Variants in SART3 observed in about 807,000 individuals in gnomAD.
SART3 encodes the protein spliceosome associated factor 3, U4/U6 recycling protein, also known as HIV-1 Tat-interacting protein of 110kDa.
Under a neutral mutation model 122.3 loss-of-function variants are expected in SART3, and 44 were observed. The observed-to-expected ratio is 0.36, with a 90% CI of 0.28 to 0.46. The LOEUF is 0.46. Among genes scored for constraint, SART3 ranks in the 20% least tolerant of loss-of-function variants. SART3 has a pLI of 1.00. For missense variants in SART3, 1,101 were observed against 1,229.0 expected, an observed-to-expected ratio of 0.90 and a Z score of 1.56; for synonymous variants, 442 against 454.0, an observed-to-expected ratio of 0.97 and a Z score of 0.34.
chr12:108,548,745 G>A (rs1226230910), intron 2 of SART3, among the ~76,000 whole-genome samples: 4 of 152,164 alleles, frequency 2.6e-5, no homozygotes, highest in Non-Finnish European at 5.9e-5. Flanking sequence ...GTCTGTAAAA[G>A]TTTAAATATA....
rs550224014 is a variant in SART3 at position 108,546,607 on chromosome 12, G to A, written c.544+1280C>T. Among the ~76,000 whole-genome samples, 17 of 148,726 alleles carry A rather than the reference G, an allele frequency of 1.1e-4. No homozygotes were observed. The East Asian group carries it at 2.0e-3, about 17-fold the overall frequency. On this transcript the variant is annotated intron_variant, in intron 3 of 18. Transcript: ENST00000546815. ...ACAATCTCGGCCCACTGCAACCTCCGCCTCCTGGGTTCAAGCAATTTTCAT... is the reference window on the plus strand; with the variant it reads ...ACAATCTCGGCCCACTGCAACCTCCACCTCCTGGGTTCAAGCAATTTTCAT...
intron 1 of SART3, among the ~76,000 whole-genome samples, chr12:108,555,862 C>T (rs552537389): frequency 2.3e-4 from 35 of 152,156 alleles, no homozygotes; most frequent in African/African-American, 7.7e-4. Flanking sequence ...AGCCAAAACA[C>T]CCTGCAAGGA....
chr12:108,537,252 G>A, intron 9 of SART3: 1 of 515,246 alleles, frequency 1.9e-6, no homozygotes, highest in Non-Finnish European at 3.5e-6. Flanking sequence ...GGAGAAATGA[G>A]AGCTAAGACT....
At chr12:108,545,897 G>C (rs950463226) in intron 3 of SART3, among the ~76,000 whole-genome samples, 18 of 148,102 alleles carry the variant, frequency 1.2e-4, no homozygotes, top group Non-Finnish European at 1.9e-4. Flanking sequence ...ACCTGGGTAG[G>C]GGGGAGGTTG....
At position 108,548,702 on chromosome 12, in the gene SART3, C is replaced by A. The variant is rs1355003982; in HGVS notation, c.439+386G>T. Among the ~76,000 whole-genome samples, 3 of 152,098 alleles carry A rather than the reference C, an allele frequency of 2.0e-5. No homozygotes were observed. In the South Asian group the frequency reaches 6.2e-4, roughly 31 times the overall value. ...ACCTAAATGCCCAACTATTCTGGAA[C>A]AATTAATGTATGAAACATTTACATA... On this transcript the variant is annotated intron_variant, in intron 2 of 18. Transcript: ENST00000546815.
At chr12:108,546,385 G>A (rs1873418804) in intron 3 of SART3, among the ~76,000 whole-genome samples, 1 of 152,032 alleles carries the variant, frequency 6.6e-6, no homozygotes, top group African/African-American at 2.4e-5. Context: ...ATTTTTAGTA[G>A]AGATGGGGTT....
At chr12:108,537,412 G>A in intron 9 of SART3, 76 bp downstream of exon 9, 1 of 1,075,828 alleles carries the variant, frequency 9.3e-7, no homozygotes, top group East Asian at 2.4e-5. Context: ...AATGTATCTG[G>A]GGAACTGGGA....
rs141981743 is a variant in SART3, at chr12:108,547,995, C to T, written c.440-4G>A. 1.4e-3 allele frequency: 2,319 copies of T among 1,612,072 alleles called. 4 individuals carry two copies. The highest frequency in any genetic ancestry group is 1.8e-3 in the Non-Finnish European group (2,123 of 1,179,752). On this transcript the variant is annotated splice_polypyrimidine_tract_variant and splice_region_variant and intron_variant, in intron 2 of 18. Transcript: ENST00000546815. ...TGCAGCCACTCCAGCCAGAGCTCTA[C>T]GAGACAAAAATACTTCCCGCATTAA...
chr12:108,559,039 G>GAAA (rs747479698), intron 1 of SART3, among the ~76,000 whole-genome samples: 40,607 of 103,690 alleles, frequency 0.39, 8,690 homozygotes, highest in Middle Eastern at 0.48. Context: ...TCTCAAAAAA[G>GAAA]AAAAAAAAAA....
Position 108,525,542 on chromosome 12 carries a change from G to T in SART3, c.2438C>A (p.Thr813Asn). Residue 813 changes from threonine (T) to asparagine (N), a missense_variant, in exon 17 of 19, where the codon ACT becomes AAT. Coordinates refer to ENST00000546815, the MANE Select transcript of SART3 (RefSeq NM_014706.4). ...LFISGLPFSCTKEELEEICKA... is the reference protein window; with the variant it reads ...LFISGLPFSCNKEELEEICKA... ...ACAGATTTCTTCTAGTTCCTCTTTA[G>T]TACAGGAGAAAGGCAGGCCTGAGAT... 6.2e-7 allele frequency: 1 copy of T among 1,614,128 alleles called. No homozygotes were observed. The highest frequency in any genetic ancestry group is 8.5e-7 in the Non-Finnish European group (1 of 1,179,988).
At chr12:108,557,701 T>C (rs1201988003) in intron 1 of SART3, among the ~76,000 whole-genome samples, 1 of 152,222 alleles carries the variant, frequency 6.6e-6, no homozygotes, top group Non-Finnish European at 1.5e-5. Flanking sequence ...CACTACTCAA[T>C]GGAAGGCTTG....
At chr12:108,545,548 G>A (rs1736390363) in intron 3 of SART3, among the ~76,000 whole-genome samples, 1 of 152,182 alleles carries the variant, frequency 6.6e-6, no homozygotes, top group Non-Finnish European at 1.5e-5. Flanking sequence ...AACAATGCCT[G>A]TGAGAGAGTA....
intron 1 of SART3, among the ~76,000 whole-genome samples, chr12:108,551,090 A>G (rs2029990755): frequency 1.3e-5 from 2 of 152,240 alleles, no homozygotes; most frequent in South Asian, 4.1e-4. Context: ...TGAGTACAAG[A>G]AATTCATTTC....
Position 108,560,546 on chromosome 12 carries a change from AG to A in SART3, c.312+296del, listed in dbSNP as rs765958399. The A allele has an allele frequency of 4.4e-5, 19 of 432,956 alleles. 1 individual carries two copies. Among genetic ancestry groups the A allele is most frequent in the Admixed American group, 2.1e-4 (5 of 23,936 alleles). 26.8% of individuals were successfully genotyped at this position (432,956 alleles called of 1,614,324 possible). On this transcript the variant is annotated intron_variant, in intron 1 of 18. Coordinates refer to ENST00000546815, the MANE Select transcript of SART3 (RefSeq NM_014706.4). ...GATCAAAGTACAAGGCCTGACTTGC[AG>A]GAAGTGTTATCTTGAGCAAGAAACT...
intron 1 of SART3, among the ~76,000 whole-genome samples, chr12:108,559,822 G>C (rs1238238210): frequency 6.6e-6 from 1 of 152,146 alleles, no homozygotes; most frequent in East Asian, 1.9e-4. Flanking sequence ...GGTCTGCCCA[G>C]CAGGAGGCAC....
At chr12:108,527,107 C>CAG (rs1314828593) in intron 15 of SART3, among the ~76,000 whole-genome samples, 1 of 152,216 alleles carries the variant, frequency 6.6e-6, no homozygotes, top group Non-Finnish European at 1.5e-5. Flanking sequence ...TGAAGCTCAA[C>CAG]AGACATCAGC....
At chr12:108,532,387 T>G in intron 12 of SART3, 53 bp from the exon 13 acceptor site, 1 of 1,498,678 alleles carries the variant, frequency 6.7e-7, no homozygotes. Context: ...TGGAAGGCAC[T>G]CGAAGGGAGA....
In SART3 at chr12:108,523,323, C is replaced by CTA. The variant is rs766761716; in HGVS notation, c.*132_*133dup. ...ACTTAGAACCCCTTCCCCTTTCTGT[C>CTA]TAAAGCCGAGGAGCCATCTGTGGTT... On this transcript the variant is annotated 3_prime_UTR_variant, in exon 19 of 19. Transcript: ENST00000546815. The CTA allele has an allele frequency of 8.4e-5, 79 of 936,522 alleles. No homozygotes were observed. The highest frequency in any genetic ancestry group is 1.3e-4 in the Non-Finnish European group (77 of 571,298). 58.0% of individuals were successfully genotyped at this position (936,522 alleles called of 1,614,324 possible). A position where few individuals can be genotyped will look rare whatever the true frequency, so the allele number is the denominator to read the frequency against.
At position 108,538,164 on chromosome 12, in the gene SART3, G is replaced by T; in HGVS notation, c.1102C>A (p.His368Asn). 1 of 1,614,178 alleles carries T rather than the reference G, an allele frequency of 6.2e-7. No individual in the cohort carries two copies. ...GGGCAGTTTCTAATAGCGCGGTTAT[G>T]TACAGATAAAACCAAATCCTTTACT... ...LKVKDLVLSV[H>N]NRAIRNCPWT... Residue 368 changes from histidine to asparagine, a missense_variant, in exon 8 of 19, where the codon CAT (histidine) becomes AAT (asparagine). Transcript: ENST00000546815.
Sources: allele counts gnomAD v4.1 joint callset (sites outside exome capture counted in the v4.1 genomes callset), GRCh38; gene constraint gnomAD v4.1.1; transcripts MANE v1.5; gene names NCBI Gene and HGNC (gene_info 2026-07-23, HGNC 2026-07-21).